The following MMP16 variants were observed in gnomAD, a reference collection of about 807,000 sequenced individuals.
MMP16 encodes the protein matrix metalloproteinase-16.
MMP16 carries 12 observed loss-of-function variants against 67.8 expected under a neutral mutation model. The ratio of observed to expected loss-of-function variants is 0.18; its 90% confidence interval spans 0.11 to 0.29. The LOEUF (loss-of-function observed/expected upper bound fraction) is 0.29. MMP16 is among the 10% of genes least tolerant of loss of function. The pLI is 1.00. For synonymous variants in MMP16, 249 were observed against 255.9 expected, an observed-to-expected ratio of 0.97 and a Z score of 0.26; for missense variants, 475 against 765.7, an observed-to-expected ratio of 0.62 and a Z score of 4.48.
chr8:88,096,271 T>C (rs1435936816), intron 6 of MMP16, among the ~76,000 whole-genome samples: 1 of 151,918 alleles, frequency 6.6e-6, no homozygotes, highest in African/African-American at 2.4e-5. Context: ...TCCTATGAGA[T>C]TATTATGGAA....
intron 4 of MMP16, among the ~76,000 whole-genome samples, chr8:88,147,817 T>C (rs1050295218): frequency 1.3e-5 from 2 of 151,902 alleles, no homozygotes; most frequent in African/African-American, 4.8e-5. Context: ...GCCCCTAGTT[T>C]ATGCTGCTTT....
chr8:88,070,556 C>G (rs533126923), intron 7 of MMP16, among the ~76,000 whole-genome samples: 2 of 152,124 alleles, frequency 1.3e-5, no homozygotes, highest in East Asian at 3.9e-4. Context: ...GGGGGTCCAT[C>G]TGCTCATCTC....
intron 7 of MMP16, among the ~76,000 whole-genome samples, chr8:88,067,507 T>C (rs1034747554): frequency 1.3e-5 from 2 of 152,154 alleles, no homozygotes; most frequent in South Asian, 2.1e-4. Context: ...CATATGTACA[T>C]AGCTATCAAA....
chr8:88,323,135 A>G (rs1341152520), intron 1 of MMP16, among the ~76,000 whole-genome samples: 1 of 152,182 alleles, frequency 6.6e-6, no homozygotes, highest in Admixed American at 6.5e-5. Context: ...AAGGCATGGT[A>G]CCACCATTCT....
chr8:88,106,310 C>T (rs1029354597), intron 6 of MMP16, among the ~76,000 whole-genome samples: 1 of 151,194 alleles, frequency 6.6e-6, no homozygotes, highest in Non-Finnish European at 1.5e-5. Context: ...AATTGCTCTG[C>T]ACCTCGCTTT....
chr8:88,208,346 G>C (rs1809460874), intron 1 of MMP16, among the ~76,000 whole-genome samples: 1 of 152,308 alleles, frequency 6.6e-6, no homozygotes, highest in Middle Eastern at 3.4e-3. Context: ...TAGTTGTCTG[G>C]ACAATGAGAA....
chr8:88,287,091 C>G (rs1453577276), intron 1 of MMP16, among the ~76,000 whole-genome samples: 1 of 152,200 alleles, frequency 6.6e-6, no homozygotes, highest in Non-Finnish European at 1.5e-5. Context: ...GCACTTTCCA[C>G]TGCTCCAAGA....
intron 4 of MMP16, among the ~76,000 whole-genome samples, chr8:88,151,235 G>A (rs1459609001): frequency 7.5e-6 from 1 of 134,050 alleles, no homozygotes; most frequent in Non-Finnish European, 1.6e-5. Flanking sequence ...GACCTACAAA[G>A]AGACTTAGAC....
At chr8:88,124,024 A>G (rs1355194281) in intron 4 of MMP16, among the ~76,000 whole-genome samples, 1 of 152,034 alleles carries the variant, frequency 6.6e-6, no homozygotes, top group Admixed American at 6.6e-5. Context: ...TAGTTTGACT[A>G]TGAAAAATGT....
At chr8:88,236,652 G>T (rs1809944951) in intron 1 of MMP16, among the ~76,000 whole-genome samples, 1 of 152,086 alleles carries the variant, frequency 6.6e-6, no homozygotes. Flanking sequence ...TGGAAGCTGA[G>T]GTGGGAGGGT....
chr8:88,327,071 T>C lies in MMP16; in HGVS notation c.132+4A>G, dbSNP rs1332842997. 1 of 1,613,688 alleles carries C rather than the reference T, an allele frequency of 6.2e-7. No individual in the cohort carries two copies. Among genetic ancestry groups the C allele is most frequent in the Non-Finnish European group, 8.5e-7 (1 of 1,179,870 alleles). ...GGGGAGGAAGAAAGCCCTCGCACTC[T>C]TACCTCCACATTGAAATACTGCTCC... On this transcript the variant is annotated splice_donor_region_variant and intron_variant, in intron 1 of 9. Transcript: ENST00000286614.
chr8:88,106,408 C>T (rs1717211016), intron 6 of MMP16, among the ~76,000 whole-genome samples: 1 of 151,206 alleles, frequency 6.6e-6, no homozygotes, highest in Non-Finnish European at 1.5e-5. Flanking sequence ...AGGCTAAGTT[C>T]CTCTTGCTGG....
chr8:88,077,324 C>T (rs982328973), intron 6 of MMP16, among the ~76,000 whole-genome samples: 2 of 152,140 alleles, frequency 1.3e-5, no homozygotes, highest in Admixed American at 1.3e-4. Flanking sequence ...GGTTTGTGAA[C>T]AATTCATAGA....
intron 6 of MMP16, among the ~76,000 whole-genome samples, chr8:88,076,197 TAAC>T (rs1025096758): frequency 6.6e-6 from 1 of 152,180 alleles, no homozygotes; most frequent in Non-Finnish European, 1.5e-5. Context: ...TTCTGTCGCC[TAAC>T]AACTGTGTCA....
chr8:88,149,481 G>A (rs1414324863), intron 4 of MMP16, among the ~76,000 whole-genome samples: 1 of 152,176 alleles, frequency 6.6e-6, no homozygotes, highest in East Asian at 1.9e-4. Flanking sequence ...TTTGAAGAGA[G>A]CAGTGGTTCT....
chr8:88,056,032 G>T (rs1808327882), intron 8 of MMP16, 96 bp downstream of exon 8: 1 of 946,456 alleles, frequency 1.1e-6, no homozygotes, highest in Non-Finnish European at 1.5e-6. Flanking sequence ...AATCCACCAG[G>T]ATTCTTCAAC....
chr8:88,041,811 TAC>T lies in MMP16; in HGVS notation c.1490-18_1490-17del, dbSNP rs768097456. 9.0e-6 allele frequency: 14 copies of T among 1,557,588 alleles called. No individual in the cohort carries two copies. Among genetic ancestry groups the T allele is most frequent in the Admixed American group, 1.7e-5 (1 of 58,644 alleles). On this transcript the variant is annotated splice_polypyrimidine_tract_variant and intron_variant, in intron 9 of 9. Transcript: ENST00000286614. The surrounding 1 kb of genome is among the most constrained non-coding windows in gnomAD (Gnocchi z 6.0). ...TACGTAAAGCCTAGGGGGAAAAACA[TAC>T]ACACACACAGGTACCACTTATTTGT... is the stretch of plus-strand genomic sequence containing the variant.
chr8:88,263,053 A>T (rs1253827805), intron 1 of MMP16, among the ~76,000 whole-genome samples: 3 of 131,686 alleles, frequency 2.3e-5, no homozygotes, highest in East Asian at 4.0e-4. Context: ...TAAATAAAAT[A>T]AAAAAAGTTT....
In MMP16 at chr8:88,236,132, A is replaced by G. The variant is rs550990353; in HGVS notation, c.133-38826T>C. Among the ~76,000 whole-genome samples the G allele has an allele frequency of 4.6e-5, 7 of 152,330 alleles. No individual in the cohort carries two copies. The South Asian group carries it at 1.4e-3, about 32-fold the overall frequency. ...AAGTGGAAATTTGTGCAGGGAGATG[A>G]AAATTAGAGGTGCAAAGTATACAAA... On this transcript the variant is annotated intron_variant, in intron 1 of 9. Transcript: ENST00000286614.
Sources: allele counts gnomAD v4.1 joint callset (sites outside exome capture counted in the v4.1 genomes callset), GRCh38; gene constraint gnomAD v4.1.1; non-coding constraint Gnocchi (gnomAD v3.1); transcripts MANE v1.5; gene names NCBI Gene and HGNC (gene_info 2026-07-23, HGNC 2026-07-21).